NFIA: variants seen among roughly 807,000 people sequenced by gnomAD.
NFIA encodes nuclear factor I A, also known as nuclear factor 1 A-type.
In NFIA, 8 loss-of-function variants were observed where a neutral mutation model predicts 62.8. That is an observed-to-expected ratio of 0.13 (90% confidence interval 0.07 to 0.23). NFIA has a LOEUF of 0.23. Ranked by LOEUF, NFIA falls within the 10% of genes least tolerant of loss-of-function variation. NFIA has a pLI of 1.00. For missense variants in NFIA, 410 were observed against 642.1 expected, an observed-to-expected ratio of 0.64 and a Z score of 3.91; for synonymous variants, 235 against 238.1, an observed-to-expected ratio of 0.99 and a Z score of 0.12.
chr1:61,365,206 CAG>C (rs983489704), intron 6 of NFIA, among the ~76,000 whole-genome samples: 1 of 152,064 alleles, frequency 6.6e-6, no homozygotes, highest in Non-Finnish European at 1.5e-5. Context: ...GAGAAACAAA[CAG>C]AAAAACAGAA....
intron 10 of NFIA, among the ~76,000 whole-genome samples, chr1:61,433,391 G>T (rs1667189618): frequency 6.6e-6 from 1 of 152,054 alleles, no homozygotes; most frequent in Non-Finnish European, 1.5e-5. Context: ...TCAGATTTTA[G>T]TTGAAGCTTT....
chr1:61,351,554 A>G (rs1381623530), intron 4 of NFIA, among the ~76,000 whole-genome samples: 1 of 152,098 alleles, frequency 6.6e-6, no homozygotes, highest in African/African-American at 2.4e-5. Context: ...TTACACCACT[A>G]ATTTTACGGA....
At chr1:61,265,414 A>G (rs1313061933) in intron 2 of NFIA, among the ~76,000 whole-genome samples, 1 of 152,230 alleles carries the variant, frequency 6.6e-6, no homozygotes, top group African/African-American at 2.4e-5. Context: ...TCTCTCATAA[A>G]GACATAGAAG....
intron 3 of NFIA, among the ~76,000 whole-genome samples, chr1:61,290,294 G>A (rs950521055): frequency 3.9e-5 from 6 of 152,180 alleles, no homozygotes; most frequent in East Asian, 3.9e-4. Context: ...AAGTGTTTCC[G>A]TTGCAAAAGA....
intron 2 of NFIA, among the ~76,000 whole-genome samples, chr1:61,146,553 A>C (rs1648003958): frequency 6.6e-6 from 1 of 152,166 alleles, no homozygotes; most frequent in African/African-American, 2.4e-5. Context: ...TCTCTGTTCC[A>C]CAAGACTTGG....
At chr1:61,388,635 C>G (rs1472931398) in intron 7 of NFIA, among the ~76,000 whole-genome samples, 2 of 152,238 alleles carry the variant, frequency 1.3e-5, no homozygotes, top group East Asian at 3.9e-4. Context: ...GATTTAGGAA[C>G]AGAGAGCAGC....
intron 2 of NFIA, among the ~76,000 whole-genome samples, chr1:61,194,938 A>T (rs1651890313): frequency 6.6e-6 from 1 of 152,182 alleles, no homozygotes; most frequent in Admixed American, 6.5e-5. Flanking sequence ...ATCTAAGTAA[A>T]CACAGCATAG....
At chr1:61,084,445 A>G (rs1050168501) in intron 1 of NFIA, among the ~76,000 whole-genome samples, 3 of 152,058 alleles carry the variant, frequency 2.0e-5, no homozygotes, top group Non-Finnish European at 4.4e-5. Flanking sequence ...TTTCCTAACA[A>G]ACTTCCAAAG....
intron 10 of NFIA, among the ~76,000 whole-genome samples, chr1:61,450,498 G>A (rs915119812): frequency 2.0e-5 from 3 of 152,192 alleles, no homozygotes; most frequent in African/African-American, 7.2e-5. Flanking sequence ...GCACAACAGC[G>A]ACAGCAGCTC....
chr1:61,298,862 A>ATAT (rs1659337889), intron 3 of NFIA, among the ~76,000 whole-genome samples: 1 of 152,170 alleles, frequency 6.6e-6, no homozygotes, highest in Admixed American at 6.5e-5. Flanking sequence ...ATAACTTACA[A>ATAT]CACGCTGGGA....
chr1:61,204,061 CG>C (rs1377346106), intron 2 of NFIA, among the ~76,000 whole-genome samples: 1 of 152,156 alleles, frequency 6.6e-6, no homozygotes, highest in Admixed American at 6.5e-5. Context: ...CTGTAAATTC[CG>C]TGGGATGTAT....
chr1:61,264,822 C>G (rs568068026), intron 2 of NFIA, among the ~76,000 whole-genome samples: 2 of 152,104 alleles, frequency 1.3e-5, no homozygotes, highest in South Asian at 4.2e-4. Context: ...ATTTTTATCT[C>G]CCCCCAGTGT....
At chr1:61,181,519 C>T (rs1351372591) in intron 2 of NFIA, among the ~76,000 whole-genome samples, 1 of 152,206 alleles carries the variant, frequency 6.6e-6, no homozygotes, top group Non-Finnish European at 1.5e-5. Flanking sequence ...ACTTTCATCT[C>T]CACTTTAGTT....
At chr1:61,324,059 A>C (rs1660811129) in intron 3 of NFIA, among the ~76,000 whole-genome samples, 1 of 152,162 alleles carries the variant, frequency 6.6e-6, no homozygotes, top group Non-Finnish European at 1.5e-5. Flanking sequence ...TTGGGGTGAG[A>C]GGGAAGATTA....
intron 3 of NFIA, among the ~76,000 whole-genome samples, chr1:61,303,880 G>A (rs1040081690): frequency 6.6e-6 from 1 of 152,176 alleles, no homozygotes; most frequent in Non-Finnish European, 1.5e-5. Context: ...GAGAATAGGA[G>A]AAACAAAATC....
upstream of NFIA, chr1:61,082,446 G>GCGGGCAGCTCGCGGGCACC: frequency 5.8e-6 from 6 of 1,035,898 alleles, no homozygotes; most frequent in Non-Finnish European, 5.8e-6. Context: ...AGGCGGGCGC[G>GCGGGCAGCTCGCGGGCACC]CGGGCAGCTC....
Position 61,460,812 on chromosome 1 carries a change from G to C in NFIA, c.*5492G>C, listed in dbSNP as rs80246451. ...ATAACCGTACAATATTAATGCATGC[G>C]ATTCCATAATGCTTAGTGAACTGTA... is the stretch of plus-strand genomic sequence containing the variant. On this transcript the variant is annotated 3_prime_UTR_variant, in exon 11 of 11. Coordinates refer to ENST00000403491, the MANE Select transcript of NFIA (RefSeq NM_001134673.4). The C allele has an allele frequency of 6.6e-6, 1 of 152,118 alleles. No homozygotes were observed. The highest frequency in any genetic ancestry group is 2.4e-5 in the African/African-American group (1 of 41,422). 9.4% of individuals were successfully genotyped at this position (152,118 alleles called of 1,614,324 possible). A position where few individuals can be genotyped will look rare whatever the true frequency, so the allele number is the denominator to read the frequency against.
At chr1:61,207,974 CTTTTTTTTTT>C (rs11444962) in intron 2 of NFIA, among the ~76,000 whole-genome samples, 2 of 115,436 alleles carry the variant, frequency 1.7e-5, no homozygotes, top group African/African-American at 7.2e-5. Context: ...TGCACTGAAC[CTTTTTTTTTT>C]TTTTTTTTTT....
intron 2 of NFIA, among the ~76,000 whole-genome samples, chr1:61,264,715 A>G (rs929910835): frequency 6.6e-6 from 1 of 151,324 alleles, no homozygotes; most frequent in South Asian, 2.1e-4. Context: ...GGCAAATCCC[A>G]CACAAACTAT....
Sources: allele counts gnomAD v4.1 joint callset (sites outside exome capture counted in the v4.1 genomes callset), GRCh38; gene constraint gnomAD v4.1.1; transcripts MANE v1.5; gene names NCBI Gene and HGNC (gene_info 2026-07-23, HGNC 2026-07-21).